EEIG2: variants seen among roughly 807,000 people sequenced by gnomAD.
The protein encoded by EEIG2 is family with sequence similarity 102 member B.
At chr1:108,597,325 G>T in the EEIG2 span, among the ~76,000 whole-genome samples, 1 of 152,168 alleles carries the variant, frequency 6.6e-6, no homozygotes, top group Non-Finnish European at 1.5e-5. Context: ...CAGGTTAGGG[G>T]AAGAAGGTTG....
the EEIG2 span, chr1:108,612,104 A>T: frequency 3.8e-6 from 4 of 1,045,774 alleles, no homozygotes; most frequent in Non-Finnish European, 5.6e-6. Flanking sequence ...GTATGGGTTG[A>T]ATATTTATTT....
chr1:108,621,830 G>GTT, the EEIG2 span, among the ~76,000 whole-genome samples: 45 of 147,912 alleles, frequency 3.0e-4, no homozygotes, highest in South Asian at 6.4e-4. Flanking sequence ...AATGCAGGGT[G>GTT]TTTTTTTTTT....
chr1:108,627,077 G>A, the EEIG2 span: 2 of 152,110 alleles, frequency 1.3e-5, no homozygotes, highest in African/African-American at 4.8e-5. Flanking sequence ...ACCTGACTGG[G>A]TAAAATATTA....
the EEIG2 span, among the ~76,000 whole-genome samples, chr1:108,574,612 G>T: frequency 2.0e-5 from 3 of 152,194 alleles, no homozygotes; most frequent in African/African-American, 7.2e-5. Flanking sequence ...TTAGCTGGGC[G>T]TGGTGGCAGG....
At chr1:108,596,632 A>G in the EEIG2 span, among the ~76,000 whole-genome samples, 1 of 152,292 alleles carries the variant, frequency 6.6e-6, no homozygotes, top group Admixed American at 6.5e-5. Context: ...TTAAAAATAT[A>G]GCATCCTATT....
At chr1:108,639,229 TC>T in the EEIG2 span, 2 of 151,410 alleles carry the variant, frequency 1.3e-5, no homozygotes, top group African/African-American at 2.4e-5. Context: ...AGGAAATGTT[TC>T]CTTTTTTTTT....
the EEIG2 span, chr1:108,560,522 A>G: frequency 6.8e-6 from 11 of 1,612,656 alleles, no homozygotes; most frequent in Non-Finnish European, 9.3e-6. Flanking sequence ...CTTCTGCAAG[A>G]TGCGGCTGCT....
the EEIG2 span, among the ~76,000 whole-genome samples, chr1:108,580,459 G>A: frequency 6.6e-6 from 1 of 152,194 alleles, no homozygotes; most frequent in African/African-American, 2.4e-5. Flanking sequence ...TAAGCTTAGT[G>A]AGGAAGGCAT....
the EEIG2 span, among the ~76,000 whole-genome samples, chr1:108,630,341 C>T: frequency 2.0e-4 from 30 of 152,230 alleles, no homozygotes; most frequent in African/African-American, 5.8e-4. Context: ...AACCAAACAC[C>T]GCTTGTTCTC....
the EEIG2 span, among the ~76,000 whole-genome samples, chr1:108,617,093 C>T: frequency 6.6e-6 from 1 of 152,132 alleles, no homozygotes; most frequent in Non-Finnish European, 1.5e-5. Context: ...GAGAAGTGTT[C>T]TTGGCACGTT....
the EEIG2 span, among the ~76,000 whole-genome samples, chr1:108,580,091 CTCACTTCATATCTCTAGG>C: frequency 6.6e-6 from 1 of 152,098 alleles, no homozygotes; most frequent in Non-Finnish European, 1.5e-5. Context: ...ACAGTGTGAG[CTCACTTCATATCTCTAGG>C]TCACTTTTTG....
chr1:108,610,690 G>A, the EEIG2 span, among the ~76,000 whole-genome samples: 1 of 152,058 alleles, frequency 6.6e-6, no homozygotes. Flanking sequence ...CAGCAATTTG[G>A]GAGACTAAGG....
the EEIG2 span, chr1:108,628,413 C>T: frequency 6.2e-7 from 1 of 1,613,908 alleles, no homozygotes; most frequent in Non-Finnish European, 8.5e-7. Context: ...ACGTGTCACT[C>T]CCGGTCATCT....
At chr1:108,605,840 G>A in the EEIG2 span, among the ~76,000 whole-genome samples, 1 of 152,152 alleles carries the variant, frequency 6.6e-6, no homozygotes, top group Admixed American at 6.5e-5. Flanking sequence ...TGTCCCTGGG[G>A]TGTGGTTTCA....
At chr1:108,591,113 A>T in the EEIG2 span, among the ~76,000 whole-genome samples, 5 of 152,224 alleles carry the variant, frequency 3.3e-5, no homozygotes, top group African/African-American at 1.2e-4. Context: ...ACTGTATAAA[A>T]GTCATAGGAA....
chr1:108,587,589 C>G, the EEIG2 span, among the ~76,000 whole-genome samples: 47 of 152,250 alleles, frequency 3.1e-4, no homozygotes, highest in Non-Finnish European at 7.4e-5. Context: ...TACTCCCAAC[C>G]CCTGGCAATC....
the EEIG2 span, among the ~76,000 whole-genome samples, chr1:108,620,435 C>A: frequency 6.6e-6 from 1 of 152,170 alleles, no homozygotes; most frequent in African/African-American, 2.4e-5. Flanking sequence ...TACAACTCAT[C>A]AAACACCCAC....
chr1:108,565,241 A>G, the EEIG2 span, among the ~76,000 whole-genome samples: 1 of 152,208 alleles, frequency 6.6e-6, no homozygotes, highest in South Asian at 2.1e-4. Flanking sequence ...TGTTCTGAGG[A>G]GTGCATCCTT....
At chr1:108,611,889 C>T in the EEIG2 span, among the ~76,000 whole-genome samples, 2 of 151,712 alleles carry the variant, frequency 1.3e-5, no homozygotes, top group Admixed American at 1.3e-4. Flanking sequence ...TTTACTTTAA[C>T]AGTAATATAT....
Sources: gnomAD v4.1 joint callset for allele counts (sites outside exome capture counted in the v4.1 genomes callset) on GRCh38, gnomAD v4.1.1 for gene constraint, MANE v1.5 for transcripts, NCBI Gene and HGNC (gene_info 2026-07-23, HGNC 2026-07-21) for gene names.